CELF2: variants seen among roughly 807,000 people sequenced by gnomAD.
The protein encoded by CELF2 is CUGBP Elav-like family member 2.
CELF2 carries 8 observed loss-of-function variants against 62.6 expected under a neutral mutation model. That is an observed-to-expected ratio of 0.13 (90% CI 0.07 to 0.23). The LOEUF is 0.23. Ranked by LOEUF, CELF2 falls within the 10% of genes least tolerant of loss-of-function variation. The pLI, the probability that CELF2 is intolerant of heterozygous loss-of-function variation, is 1.00. For missense variants in CELF2, 333 were observed against 671.0 expected (o/e 0.50, Z 5.56); for synonymous variants, 258 against 250.0 (o/e 1.03, Z -0.30).
chr10:10,978,038 T>G (rs1379894519), intron 2 of CELF2, among the ~76,000 whole-genome samples: 6 of 149,380 alleles, frequency 4.0e-5, no homozygotes, highest in East Asian at 1.9e-4. Context: ...TTTTTTGTTT[T>G]TTGTTTTTTT....
At chr10:10,871,636 G>T (rs1473906327) in intron 1 of CELF2, among the ~76,000 whole-genome samples, 2 of 152,076 alleles carry the variant, frequency 1.3e-5, no homozygotes, top group African/African-American at 4.8e-5. Context: ...GGGAAGGAAG[G>T]AAGACAAGAA....
At chr10:10,933,659 CT>C (rs2066332720) in intron 2 of CELF2, among the ~76,000 whole-genome samples, 1 of 151,302 alleles carries the variant, frequency 6.6e-6, no homozygotes, top group East Asian at 1.9e-4. Context: ...ATCATATCAA[CT>C]TCTTTAGATT....
chr10:10,997,328 G>A lies in CELF2; in HGVS notation c.89+77329G>A, dbSNP rs918032142. 2.0e-5 allele frequency among the ~76,000 whole-genome samples: 3 copies of A among 152,202 alleles called. No homozygotes were observed. Among genetic ancestry groups the A allele is most frequent in the Admixed American group, 6.5e-5 (1 of 15,268 alleles). ...GAAAAAGTATAAAAAATGAAAAAGA[G>A]CTATGGATGTGTTATGAGAATTTCA... On this transcript the variant is annotated intron_variant, in intron 2 of 13. Coordinates refer to the CELF2 transcript ENST00000636488. The surrounding 1 kb of genome is among the most constrained non-coding windows in gnomAD (Gnocchi z 5.3).
At chr10:10,520,191 T>C in the CELF2 span, among the ~76,000 whole-genome samples, 1 of 152,200 alleles carries the variant, frequency 6.6e-6, no homozygotes, top group Non-Finnish European at 1.5e-5. Flanking sequence ...AAAAGACCTA[T>C]GGAGAAACCT....
At chr10:11,055,429 G>A (rs982498339) in intron 1 of CELF2, among the ~76,000 whole-genome samples, 7 of 152,204 alleles carry the variant, frequency 4.6e-5, no homozygotes, top group African/African-American at 1.2e-4. Flanking sequence ...GAACTATTTG[G>A]CTGACCGAGT....
In CELF2 at chr10:11,243,822, T is replaced by C. The variant is rs952304705; in HGVS notation, c.355-5331T>C. ...ATTAAAACTTCCCATTCTGTGTGGC[T>C]GGAGATGCAGCCTCAGTTTAATTAG... On this transcript the variant is annotated intron_variant, in intron 3 of 12. Coordinates refer to ENST00000633077, the MANE Select transcript of CELF2 (RefSeq NM_001326342.2). The surrounding 1 kb of genome is among the most constrained non-coding windows in gnomAD (Gnocchi z 4.1). Among the ~76,000 whole-genome samples, 2 of 152,242 alleles carry C rather than the reference T, an allele frequency of 1.3e-5. No homozygotes were observed. Among genetic ancestry groups the C allele is most frequent in the African/African-American group, 4.8e-5 (2 of 41,458 alleles).
At chr10:10,505,723 G>T in the CELF2 span, among the ~76,000 whole-genome samples, 1 of 152,178 alleles carries the variant, frequency 6.6e-6, no homozygotes, top group Non-Finnish European at 1.5e-5. Flanking sequence ...CTCATCTGAA[G>T]TACAGCAGAT....
intron 2 of CELF2, among the ~76,000 whole-genome samples, chr10:11,167,111 G>A (rs559270787): frequency 6.6e-6 from 1 of 152,342 alleles, no homozygotes; most frequent in East Asian, 1.9e-4. Flanking sequence ...CTGAGAATCT[G>A]TAGATTTTTA....
chr10:11,005,722 G>C lies in CELF2; in HGVS notation c.53+282G>C, dbSNP rs1466930695. On this transcript the variant is annotated intron_variant, in intron 1 of 12. Coordinates refer to the CELF2 transcript ENST00000416382. The surrounding 1 kb of genome is among the most constrained non-coding windows in gnomAD (Gnocchi z 4.3). Reference sequence around the variant, plus strand: ...CACTGCTATTTGTGAGTGGCCAGTGGATAATTTTAAGGGCTCTGAATCTGG... The same window carrying C: ...CACTGCTATTTGTGAGTGGCCAGTGCATAATTTTAAGGGCTCTGAATCTGG... 3.3e-5 allele frequency among the ~76,000 whole-genome samples: 5 copies of C among 152,190 alleles called. No homozygotes were observed. Among genetic ancestry groups the C allele is most frequent in the Admixed American group, 2.6e-4 (4 of 15,280 alleles).
At position 11,090,110 on chromosome 10, in the gene CELF2, C is replaced by G. The variant is rs144209302; in HGVS notation, c.74+71947C>G. ...CCAGGGTGATGGGATCATTTCACAC[C>G]CCAAACCTCAGCATCACGCAATATA... On this transcript the variant is annotated intron_variant, in intron 1 of 12. Coordinates refer to ENST00000633077, the MANE Select transcript of CELF2 (RefSeq NM_001326342.2). 3.3e-5 allele frequency among the ~76,000 whole-genome samples: 5 copies of G among 151,960 alleles called. No individual in the cohort carries two copies. The East Asian group carries it at 7.7e-4, about 24-fold the overall frequency.
chr10:10,491,526 A>G, the CELF2 span, among the ~76,000 whole-genome samples: 1 of 152,146 alleles, frequency 6.6e-6, no homozygotes, highest in Admixed American at 6.5e-5. Context: ...CCTGGACTGT[A>G]TAGCTAATCT....
At chr10:10,703,847 T>C in the CELF2 span, among the ~76,000 whole-genome samples, 1 of 152,214 alleles carries the variant, frequency 6.6e-6, no homozygotes, top group Non-Finnish European at 1.5e-5. Flanking sequence ...GACCTCCTTG[T>C]TTCTCGAAGG....
chr10:10,883,270 A>C (rs900667219), intron 1 of CELF2, among the ~76,000 whole-genome samples: 1 of 152,236 alleles, frequency 6.6e-6, no homozygotes, highest in Non-Finnish European at 1.5e-5. Flanking sequence ...AATGAGGCTA[A>C]ATGTTAATTG....
At chr10:10,777,396 G>A in the CELF2 span, among the ~76,000 whole-genome samples, 1 of 152,174 alleles carries the variant, frequency 6.6e-6, no homozygotes, top group Non-Finnish European at 1.5e-5. Context: ...TGTGCTTTCT[G>A]TCTTGAATGA....
chr10:11,187,536 A>G (rs1034265750), intron 2 of CELF2, among the ~76,000 whole-genome samples: 7 of 151,460 alleles, frequency 4.6e-5, no homozygotes, highest in Non-Finnish European at 8.8e-5. Flanking sequence ...GTAATTGTTG[A>G]TAAAGTTTGG....
upstream of CELF2, chr10:11,005,000 T>A: frequency 1.0e-6 from 1 of 970,528 alleles, no homozygotes; most frequent in South Asian, 4.8e-5. This position sits in a 1 kb window ranked among gnomAD's most constrained non-coding sequence, Gnocchi z 5.0. Context: ...AAGAAAAAGG[T>A]AAATGAGTTC....
chr10:11,071,178 C>T (rs1193144027), intron 1 of CELF2, among the ~76,000 whole-genome samples: 2 of 152,166 alleles, frequency 1.3e-5, no homozygotes, highest in Non-Finnish European at 2.9e-5. Context: ...AGCTCCTGAT[C>T]CCTTTGAATT....
chr10:11,128,539 CT>C (rs963180478), intron 1 of CELF2, among the ~76,000 whole-genome samples: 13 of 152,014 alleles, frequency 8.6e-5, no homozygotes, highest in African/African-American at 2.7e-4. Flanking sequence ...TGTTTGTGTC[CT>C]CTTTTATTTC....
chr10:11,186,145 T>C (rs563961711), intron 2 of CELF2, among the ~76,000 whole-genome samples: 1 of 152,050 alleles, frequency 6.6e-6, no homozygotes, highest in East Asian at 1.9e-4. Context: ...ATCCTTCTAA[T>C]GTCTTCAAAA....
Sources: gnomAD v4.1 joint callset for allele counts (sites outside exome capture counted in the v4.1 genomes callset) on GRCh38, gnomAD v4.1.1 for gene constraint, Gnocchi (gnomAD v3.1) non-coding constraint, MANE v1.5 for transcripts, NCBI Gene and HGNC (gene_info 2026-07-23, HGNC 2026-07-21) for gene names.